Variants in CSMD1 observed in about 807,000 individuals in gnomAD.
CSMD1 encodes CUB and sushi domain-containing protein 1.
In CSMD1, 213 loss-of-function variants were observed where a neutral mutation model predicts 417.5. The observed-to-expected ratio is 0.51, with a 90% confidence interval of 0.46 to 0.57. The LOEUF (loss-of-function observed/expected upper bound fraction) is 0.57, where lower values mean the gene tolerates loss of function less well. Among genes scored for constraint, CSMD1 ranks in the 20% least tolerant of loss-of-function variants. The probability of loss-of-function intolerance (pLI) is 0.00; values close to 1 mark genes in which losing one functional copy is unlikely to be tolerated. For synonymous variants in CSMD1, 2,862 were observed against 1,736.8 expected, an observed-to-expected ratio of 1.65 and a Z score of -16.11; for missense variants, 6,923 against 4,529.7, an observed-to-expected ratio of 1.53 and a Z score of -15.17.
At chr8:3,467,388 AAT>A (rs2117181341) in intron 12 of CSMD1, among the ~76,000 whole-genome samples, 1 of 152,332 alleles carries the variant, frequency 6.6e-6, no homozygotes, top group African/African-American at 2.4e-5. Flanking sequence ...TCATGTGGAA[AAT>A]ATGATATCTC....
chr8:4,766,940 C>T (rs1165448119), intron 1 of CSMD1, among the ~76,000 whole-genome samples: 1 of 152,142 alleles, frequency 6.6e-6, no homozygotes, highest in East Asian at 1.9e-4. Flanking sequence ...TGTACAGAGA[C>T]ACTTTGACTG....
At chr8:4,716,199 G>A (rs1010833712) in intron 1 of CSMD1, among the ~76,000 whole-genome samples, 2 of 152,154 alleles carry the variant, frequency 1.3e-5, no homozygotes, top group Non-Finnish European at 2.9e-5. Context: ...CCACCCAATG[G>A]GGACTGCTCA....
chr8:4,373,123 G>A (rs1377013872), intron 3 of CSMD1, among the ~76,000 whole-genome samples: 2 of 152,106 alleles, frequency 1.3e-5, no homozygotes, highest in African/African-American at 2.4e-5. Context: ...CTCATCATGA[G>A]AAAAACATCA....
intron 4 of CSMD1, among the ~76,000 whole-genome samples, chr8:4,024,239 C>T (rs1585153249): frequency 6.6e-6 from 1 of 152,046 alleles, no homozygotes; most frequent in East Asian, 1.9e-4. Context: ...CATATTAATA[C>T]TCATATCAAG....
At chr8:3,303,034 C>G (rs1482722806) in intron 25 of CSMD1, among the ~76,000 whole-genome samples, 4 of 152,256 alleles carry the variant, frequency 2.6e-5, no homozygotes, top group African/African-American at 7.2e-5. Context: ...CTGTAGACTT[C>G]TATAACTCTT....
At chr8:3,251,134 T>C (rs1800223179) in intron 26 of CSMD1, among the ~76,000 whole-genome samples, 1 of 152,148 alleles carries the variant, frequency 6.6e-6, no homozygotes, top group Non-Finnish European at 1.5e-5. Context: ...ATGAAGTCCT[T>C]GCCCGTGCCT....
chr8:3,889,156 A>T (rs1196091185), intron 5 of CSMD1, among the ~76,000 whole-genome samples: 2 of 151,962 alleles, frequency 1.3e-5, no homozygotes, highest in Non-Finnish European at 2.9e-5. Flanking sequence ...AGTGTTTAGA[A>T]AACAAAATGA....
At chr8:3,707,968 G>T (rs1054802526) in intron 7 of CSMD1, among the ~76,000 whole-genome samples, 1 of 152,322 alleles carries the variant, frequency 6.6e-6, no homozygotes, top group African/African-American at 2.4e-5. Context: ...TCTTTGGAAG[G>T]ACGTAGACAT....
At chr8:3,007,225 T>C (rs890055818) in intron 52 of CSMD1, among the ~76,000 whole-genome samples, 1 of 150,526 alleles carries the variant, frequency 6.6e-6, no homozygotes, top group Non-Finnish European at 1.5e-5. Flanking sequence ...CACAATGAGA[T>C]ACCATCTCAC....
chr8:4,746,500 G>A (rs1405111144), intron 1 of CSMD1, among the ~76,000 whole-genome samples: 1 of 152,210 alleles, frequency 6.6e-6, no homozygotes, highest in East Asian at 1.9e-4. Flanking sequence ...TTTATCATCG[G>A]TGATGAGAGC....
intron 10 of CSMD1, among the ~76,000 whole-genome samples, chr8:3,519,935 G>C (rs1228687665): frequency 1.3e-5 from 2 of 150,912 alleles, no homozygotes; most frequent in African/African-American, 4.9e-5. Context: ...TAAACTCAAC[G>C]CTAATATAAT....
At chr8:4,615,546 T>A (rs1801425062) in intron 2 of CSMD1, among the ~76,000 whole-genome samples, 1 of 152,190 alleles carries the variant, frequency 6.6e-6, no homozygotes, top group Non-Finnish European at 1.5e-5. Context: ...TTAGCAAATG[T>A]GTGAGGGCCA....
chr8:4,929,798 G>C (rs765588902), intron 1 of CSMD1, among the ~76,000 whole-genome samples: 27 of 152,254 alleles, frequency 1.8e-4, no homozygotes, highest in African/African-American at 5.5e-4. Context: ...AGAGAATTCA[G>C]CCACCTCCAC....
intron 3 of CSMD1, among the ~76,000 whole-genome samples, chr8:4,331,579 G>A (rs547813592): frequency 4.6e-5 from 7 of 152,140 alleles, no homozygotes; most frequent in Non-Finnish European, 8.8e-5. Flanking sequence ...GGAGACTGCA[G>A]ACAATGGGGC....
intron 11 of CSMD1, among the ~76,000 whole-genome samples, chr8:3,475,767 C>T (rs1817370335): frequency 6.6e-6 from 1 of 152,136 alleles, no homozygotes; most frequent in African/African-American, 2.4e-5. Context: ...GCGGTTAACC[C>T]AAAATGAAGG....
intron 25 of CSMD1, among the ~76,000 whole-genome samples, chr8:3,301,889 A>C (rs868383780): frequency 2.6e-5 from 4 of 152,174 alleles, no homozygotes; most frequent in South Asian, 4.1e-4. Flanking sequence ...GAAGAAAGGA[A>C]ACATAAAGAG....
chr8:3,471,165 A>C (rs909162658), intron 11 of CSMD1, among the ~76,000 whole-genome samples: 2 of 152,200 alleles, frequency 1.3e-5, no homozygotes, highest in African/African-American at 2.4e-5. Context: ...TATTCTCAAT[A>C]GGCATTCGGT....
chr8:4,167,175 C>A (rs1052377855), intron 3 of CSMD1, among the ~76,000 whole-genome samples: 1 of 151,984 alleles, frequency 6.6e-6, no homozygotes, highest in Non-Finnish European at 1.5e-5. Flanking sequence ...AAGTAGAAAA[C>A]CAGATAATTT....
rs147162816 is a variant in CSMD1, at chr8:3,399,418, C to G, written c.2378G>C (p.Gly793Ala). Residue 793 changes from glycine (G) to alanine (A), a missense_variant, in exon 16 of 70, where the codon GGC (glycine) becomes GCC (alanine). By Grantham distance (60) the Gly-to-Ala change is moderately conservative. Coordinates refer to ENST00000635120, the MANE Select transcript of CSMD1 (RefSeq NM_033225.6). ...GTCAAAAGTTATTTTGATAGAGTGG[C>G]CTGGTTTTGCTTCAATTATCCATTC... ...HCEWIIEAKP[G>A]HSIKITFDRF... The G allele has an allele frequency of 6.2e-7, 1 of 1,605,852 alleles. No homozygotes were observed. Among genetic ancestry groups the G allele is most frequent in the Middle Eastern group, 1.7e-4 (1 of 6,022 alleles).
Sources: gnomAD v4.1 joint callset for allele counts (sites outside exome capture counted in the v4.1 genomes callset) on GRCh38, gnomAD v4.1.1 for gene constraint, MANE v1.5 for transcripts, NCBI Gene and HGNC (gene_info 2026-07-23, HGNC 2026-07-21) for gene names.